Variants in SERPINC1 observed in about 807,000 individuals in gnomAD.
SERPINC1 encodes antithrombin-III.
Under a neutral mutation model 43.4 loss-of-function variants are expected in SERPINC1, and 12 were observed. The observed-to-expected ratio is 0.28, with a 90% CI of 0.18 to 0.45. The LOEUF (loss-of-function observed/expected upper bound fraction) is 0.45, where lower values mean the gene tolerates loss of function less well. Among genes scored for constraint, SERPINC1 ranks in the 20% least tolerant of loss-of-function variants. The pLI, the probability that SERPINC1 is intolerant of heterozygous loss-of-function variation, is 1.00. For missense variants in SERPINC1, 423 were observed against 578.8 expected, an observed-to-expected ratio of 0.73 and a Z score of 2.76; for synonymous variants, 210 against 218.9, an observed-to-expected ratio of 0.96 and a Z score of 0.36.
chr1:173,910,078 T>C lies in SERPINC1; in HGVS notation c.763-136A>G, dbSNP rs1000202171. 2.5e-5 allele frequency: 22 copies of C among 870,448 alleles called. 1 individual carries two copies. In the African/African-American group the frequency reaches 3.2e-4, roughly 13 times the overall value. The allele number at this position is 870,448 out of a possible 1,614,324, so 53.9% of individuals were successfully genotyped here. ...GACTGGCGGGATATGCACAAAAAGGTTAACAATGGCTGTGTCAGAATGATG... is the reference window on the plus strand; with the variant it reads ...GACTGGCGGGATATGCACAAAAAGGCTAACAATGGCTGTGTCAGAATGATG... On this transcript the variant is annotated intron_variant, in intron 4 of 6. Coordinates refer to ENST00000367698, the MANE Select transcript of SERPINC1 (RefSeq NM_000488.4).
chr1:173,913,111 A>G (rs142619700), intron 2 of SERPINC1, among the ~76,000 whole-genome samples: 1 of 152,332 alleles, frequency 6.6e-6, no homozygotes, highest in East Asian at 1.9e-4. Flanking sequence ...CCTAAGACCC[A>G]CAGACTTTAG....
In SERPINC1 at chr1:173,907,070, G is replaced by A. The variant is rs76343236; in HGVS notation, c.1218+380C>T. ...GAGGCAGAAGTTGTAGTGAGCTGTC[G>A]CACCATTGCACTCTAGCCTGGGCAA... On this transcript the variant is annotated intron_variant, in intron 6 of 6. Coordinates refer to ENST00000367698, the MANE Select transcript of SERPINC1 (RefSeq NM_000488.4). Among the ~76,000 whole-genome samples the A allele has an allele frequency of 4.9e-3, 748 of 151,526 alleles. 11 individuals carry two copies. Among genetic ancestry groups the A allele is most frequent in the African/African-American group, 0.017 (710 of 41,310 alleles).
chr1:173,904,254 T>C (rs1177513010), intron 6 of SERPINC1, among the ~76,000 whole-genome samples, 189 bp from the exon 7 acceptor site: 2 of 152,248 alleles, frequency 1.3e-5, no homozygotes, highest in Non-Finnish European at 2.9e-5. Flanking sequence ...TGTAAGGTAC[T>C]TGTGTTTGTC....
At chr1:173,914,984 G>T in intron 1 of SERPINC1, 65 bp from the exon 2 acceptor site, 1 of 1,576,142 alleles carries the variant, frequency 6.3e-7, no homozygotes, top group Non-Finnish European at 8.6e-7. Context: ...CCCACCACAG[G>T]GTTGCCCCAG....
chr1:173,906,698 G>T (rs563074336), intron 6 of SERPINC1, among the ~76,000 whole-genome samples: 6 of 151,522 alleles, frequency 4.0e-5, no homozygotes, highest in South Asian at 4.2e-4. Context: ...GCTCAGGCTG[G>T]TTGCAAACTC....
intron 6 of SERPINC1, among the ~76,000 whole-genome samples, chr1:173,905,581 C>T (rs147655193): frequency 8.0e-4 from 122 of 152,034 alleles, no homozygotes; most frequent in African/African-American, 2.7e-3. Context: ...TTTAGTCGGG[C>T]GTGGTGGCGG....
Position 173,917,318 on chromosome 1 carries a change from C to T in SERPINC1, c.-59G>A. 1.3e-6 allele frequency: 2 copies of T among 1,529,326 alleles called. No individual in the cohort carries two copies. The highest frequency in any genetic ancestry group is 2.3e-5 in the South Asian group (2 of 88,634). 94.7% of individuals were successfully genotyped at this position (1,529,326 alleles called of 1,614,324 possible). A position where few individuals can be genotyped will look rare whatever the true frequency, so the allele number is the denominator to read the frequency against. On this transcript the variant is annotated 5_prime_UTR_variant, in exon 1 of 7. Coordinates refer to ENST00000367698, the MANE Select transcript of SERPINC1 (RefSeq NM_000488.4). ...AGATAGTGTGATCTGAGGCAATCCGCCTGAAAACTGGTTCTTTCCTCTAAA... is the reference window on the plus strand; with the variant it reads ...AGATAGTGTGATCTGAGGCAATCCGTCTGAAAACTGGTTCTTTCCTCTAAA...
At chr1:173,909,008 A>C (rs1394123050) in intron 5 of SERPINC1, among the ~76,000 whole-genome samples, 1 of 152,190 alleles carries the variant, frequency 6.6e-6, no homozygotes, top group Non-Finnish European at 1.5e-5. Flanking sequence ...TACTAAGAAT[A>C]CAGAAATTAC....
At chr1:173,912,496 A>C (rs975720979) in intron 2 of SERPINC1, among the ~76,000 whole-genome samples, 24 of 152,188 alleles carry the variant, frequency 1.6e-4, no homozygotes, top group African/African-American at 5.8e-4. Context: ...TCAGGGCTGA[A>C]AAGGACTTAG....
rs549417068 is a variant in SERPINC1 at position 173,906,061 on chromosome 1, C to G, written c.1218+1389G>C. Reference sequence around the variant, plus strand: ...TTCATTCTTTTCGATTTCTTTGATTCTAGGAACATCTCTACCATTGTCCAA... The same window carrying G: ...TTCATTCTTTTCGATTTCTTTGATTGTAGGAACATCTCTACCATTGTCCAA... On this transcript the variant is annotated intron_variant, in intron 6 of 6. Transcript: ENST00000367698. Among the ~76,000 whole-genome samples the G allele has an allele frequency of 2.0e-5, 3 of 152,294 alleles. No individual in the cohort carries two copies. The East Asian group carries it at 5.8e-4, about 29-fold the overall frequency.
chr1:173,908,551 CTTATTTTATTATTTAT>C (rs1657628662), intron 5 of SERPINC1, among the ~76,000 whole-genome samples: 1 of 141,002 alleles, frequency 7.1e-6, no homozygotes, highest in Admixed American at 7.1e-5. Context: ...ACATCGTAAA[CTTATTTTATTATTTAT>C]TTATTTATTT....
intron 6 of SERPINC1, among the ~76,000 whole-genome samples, chr1:173,904,527 G>A (rs1657406082): frequency 6.6e-6 from 1 of 152,124 alleles, no homozygotes; most frequent in South Asian, 2.1e-4. Flanking sequence ...AAAAGAGGTG[G>A]GTTCTCTGGC....
At chr1:173,908,414 T>TG (rs1250176445) in intron 5 of SERPINC1, among the ~76,000 whole-genome samples, 1 of 127,494 alleles carries the variant, frequency 7.8e-6, no homozygotes, top group Non-Finnish European at 1.6e-5. Context: ...CACTTGAATC[T>TG]GGGGGGTGGA....
intron 6 of SERPINC1, among the ~76,000 whole-genome samples, chr1:173,906,674 G>A (rs549644143): frequency 1.3e-5 from 2 of 151,518 alleles, no homozygotes; most frequent in Non-Finnish European, 2.9e-5. Context: ...GTAGAGACAG[G>A]GTCTCACTAT....
chr1:173,910,058 G>A, intron 4 of SERPINC1, 116 bp from the exon 5 acceptor site: 2 of 1,012,628 alleles, frequency 2.0e-6, no homozygotes, highest in Non-Finnish European at 3.0e-6. Flanking sequence ...AAAAAGACTG[G>A]CGGGATATGC....
chr1:173,910,631 C>T lies in SERPINC1; in HGVS notation c.762+123G>A, dbSNP rs917474952. The T allele has an allele frequency of 6.2e-6, 5 of 803,694 alleles. No individual in the cohort carries two copies. In the African/African-American group the frequency reaches 8.5e-5, roughly 14 times the overall value. 49.8% of individuals were successfully genotyped at this position (803,694 alleles called of 1,614,324 possible). On this transcript the variant is annotated intron_variant, in intron 4 of 6. Transcript: ENST00000367698. Reference sequence around the variant, plus strand: ...ATTGACCTGCCCTGCTGACCTGTACCTGTGTAGCTTTCGGCAGTCCATTTG... The same window carrying T: ...ATTGACCTGCCCTGCTGACCTGTACTTGTGTAGCTTTCGGCAGTCCATTTG...
intron 5 of SERPINC1, among the ~76,000 whole-genome samples, chr1:173,908,803 T>A (rs1405193122): frequency 6.6e-6 from 1 of 152,070 alleles, no homozygotes; most frequent in African/African-American, 2.4e-5. Context: ...TAGACGATCC[T>A]CCCACCTCAG....
chr1:173,909,371 T>C (rs1657664505), intron 5 of SERPINC1, among the ~76,000 whole-genome samples, 181 bp downstream of exon 5: 2 of 152,178 alleles, frequency 1.3e-5, no homozygotes, highest in Admixed American at 6.5e-5. Flanking sequence ...ACTTCCCTTT[T>C]ACAGAAGAGG....
rs533547406 is a variant in SERPINC1 at position 173,905,910 on chromosome 1, C to T, written c.1218+1540G>A. Among the ~76,000 whole-genome samples the T allele has an allele frequency of 2.0e-5, 3 of 152,266 alleles. No individual in the cohort carries two copies. In the South Asian group the frequency reaches 6.2e-4, roughly 32 times the overall value. ...ATAGCATCCTTTTCTCAGATTATAACCTTGTGTTCTTTCAAGCTATCACAT... is the reference window on the plus strand; with the variant it reads ...ATAGCATCCTTTTCTCAGATTATAATCTTGTGTTCTTTCAAGCTATCACAT... On this transcript the variant is annotated intron_variant, in intron 6 of 6. Coordinates refer to ENST00000367698, the MANE Select transcript of SERPINC1 (RefSeq NM_000488.4).
Sources: gnomAD v4.1 joint callset for allele counts (sites outside exome capture counted in the v4.1 genomes callset) on GRCh38, gnomAD v4.1.1 for gene constraint, MANE v1.5 for transcripts, NCBI Gene and HGNC (gene_info 2026-07-23, HGNC 2026-07-21) for gene names.